Variants in CATSPER2 observed in about 807,000 individuals in gnomAD.
CATSPER2 encodes cation channel sperm-associated protein 2.
Under a neutral mutation model 68.8 loss-of-function variants are expected in CATSPER2, and 56 were observed. The ratio of observed to expected loss-of-function variants is 0.81; its 90% CI spans 0.66 to 1.02. The LOEUF (loss-of-function observed/expected upper bound fraction) is 1.02, where lower values mean the gene tolerates loss of function less well. Among genes scored for constraint, CATSPER2 ranks in the 50% least tolerant of loss-of-function variants. The pLI, the probability that CATSPER2 is intolerant of heterozygous loss-of-function variation, is 0.00. For missense variants in CATSPER2, 582 were observed against 642.0 expected, an observed-to-expected ratio of 0.91 and a Z score of 1.01; for synonymous variants, 198 against 229.9, an observed-to-expected ratio of 0.86 and a Z score of 1.26.
At position 43,638,286 on chromosome 15, in the gene CATSPER2, C is replaced by CTTTCTTTTTTTTTTTTTTT. The variant is rs1354288133; in HGVS notation, c.842+617_842+618insAAAAAAAAAAAAAAAGAAA. 3.9e-4 allele frequency among the ~76,000 whole-genome samples: 32 copies of CTTTCTTTTTTTTTTTTTTT among 81,836 alleles called. 1 individual carries two copies. Among genetic ancestry groups the CTTTCTTTTTTTTTTTTTTT allele is most frequent in the African/African-American group, 2.4e-3 (32 of 13,274 alleles). 53.7% of individuals were successfully genotyped at this position (81,836 alleles called of 152,430 possible). Reference sequence around the variant, plus strand: ...ATTTTTCTTTTCTTTTTCTTTCTTTCTTTTTTTTTTTTTTTTTTTTTGAGA... The same window carrying CTTTCTTTTTTTTTTTTTTT: ...ATTTTTCTTTTCTTTTTCTTTCTTTCTTTCTTTTTTTTTTTTTTTTTTTTTTTTTTTTTTTTTTTTGAGA... On this transcript the variant is annotated intron_variant, in intron 7 of 12. Transcript: ENST00000396879.
intron 7 of CATSPER2, 138 bp from the exon 8 acceptor site, chr15:43,636,357 T>C: frequency 1.7e-6 from 2 of 1,186,750 alleles, no homozygotes; most frequent in South Asian, 2.7e-5. Flanking sequence ...CCATACTCAG[T>C]TTTTAGCTAA....
At position 43,640,338 on chromosome 15, in the gene CATSPER2, C is replaced by T. The variant is rs751166444; in HGVS notation, c.547G>A (p.Val183Ile). 4 of 1,611,600 alleles carry T rather than the reference C, an allele frequency of 2.5e-6. No individual in the cohort carries two copies. The highest frequency in any genetic ancestry group is 3.3e-5 in the Admixed American group (2 of 59,916). Reference sequence around the variant, plus strand: ...TCTATCCTTACCAACATGGTAACAACAAAGTCAAAGACATTCCAGGCACTC... The same window carrying T: ...TCTATCCTTACCAACATGGTAACAATAAAGTCAAAGACATTCCAGGCACTC... ...WKSAWNVFDF[V>I]VTMLSLLPEV... Residue 183 changes from valine to isoleucine, a missense_variant, in exon 5 of 13, where the codon GTT becomes ATT. Physicochemically the swap from Val to Ile is conservative, Grantham distance 29. Transcript: ENST00000396879.
rs748851111 is a variant in CATSPER2, at chr15:43,638,986, T to C, written c.760A>G (p.Ile254Val). 9.9e-6 allele frequency: 16 copies of C among 1,612,868 alleles called. No individual in the cohort carries two copies. Among genetic ancestry groups the C allele is most frequent in the Admixed American group, 5.0e-5 (3 of 59,930 alleles). The change falls in exon 7 of 13, where the codon ATT (isoleucine) becomes GTT (valine). Residue 254 changes from isoleucine to valine, a missense_variant. Around this residue, in one of 5 missense-constraint regions of CATSPER2, gnomAD observed 91 missense variants for 72.8 expected, o/e 1.25. Transcript: ENST00000396879. ...ACGTAGACACCAGTCACAGCAAAAA[T>C]GTAGAAGAAGATGAGCAGCAACATC... ...LLMLLLIFFY[I>V]FAVTGVYVFS...
At chr15:43,648,882 C>A, upstream of CATSPER2, 1 of 1,495,428 alleles carries the variant, frequency 6.7e-7, no homozygotes, top group Non-Finnish European at 8.9e-7. Flanking sequence ...CCCGCCCCGC[C>A]CCGCTCTCCG....
At position 43,636,154 on chromosome 15, in the gene CATSPER2, A is replaced by G. The variant is rs762206064; in HGVS notation, c.908T>C (p.Leu303Pro). Residue 303 changes from leucine (L) to proline (P), a missense_variant, in exon 8 of 13, where the codon CTT becomes CCT. Physicochemically the swap from Leu to Pro is moderately conservative, Grantham distance 98 (BLOSUM62 -3). Coordinates refer to ENST00000396879, the MANE Select transcript of CATSPER2 (RefSeq NM_172095.4). ...TTCAGGCACCTTCCAGACGTCCTGA[A>G]GCAGTGCATACCAATGATCCAAGGT... is the stretch of plus-strand genomic sequence containing the variant. ...LFTLDHWYAL[L>P]QDVWKVPEVS... The G allele has an allele frequency of 3.1e-6, 5 of 1,609,276 alleles. 1 individual carries two copies. The highest frequency in any genetic ancestry group is 4.2e-6 in the Non-Finnish European group (5 of 1,176,632).
chr15:43,631,508 T>C (rs577334113), intron 12 of CATSPER2: 26 of 379,506 alleles, frequency 6.9e-5, no homozygotes, highest in Non-Finnish European at 1.1e-4. Context: ...GGATTACAGG[T>C]GTGAGCCACC....
At chr15:43,645,931 T>C (rs2086155434) in intron 4 of CATSPER2, among the ~76,000 whole-genome samples, 1 of 152,044 alleles carries the variant, frequency 6.6e-6, no homozygotes, top group African/African-American at 2.4e-5. Context: ...TTTGAATGTA[T>C]TTCATATAAT....
At position 43,635,425 on chromosome 15, in the gene CATSPER2, CAAA is replaced by C. The variant is rs375933133; in HGVS notation, c.1122-12_1122-10del. 136 of 1,370,418 alleles carry C rather than the reference CAAA, an allele frequency of 9.9e-5. No homozygotes were observed. The highest frequency in any genetic ancestry group is 2.8e-4 in the South Asian group (23 of 83,576). 84.9% of individuals were successfully genotyped at this position (1,370,418 alleles called of 1,614,324 possible). ...GTGACATGTTTTTTCTCCTGCAGAG[CAAA>C]AAAAAAAAAGAGCAAAGACAGTTAT... On this transcript the variant is annotated splice_polypyrimidine_tract_variant and intron_variant, in intron 9 of 12. Transcript: ENST00000396879.
intron 10 of CATSPER2, chr15:43,633,699 T>A (rs559620479): frequency 6.6e-6 from 1 of 151,860 alleles, no homozygotes; most frequent in East Asian, 1.9e-4. Flanking sequence ...ATCCTAACAC[T>A]TTTGGAGGCT....
chr15:43,648,874 C>T (rs1249623286), upstream of CATSPER2: 3 of 1,489,140 alleles, frequency 2.0e-6, no homozygotes, highest in East Asian at 2.6e-5. Context: ...GCCTAGGCCC[C>T]GCCCCGCCCC....
chr15:43,637,997 C>T (rs2085994706), intron 7 of CATSPER2, among the ~76,000 whole-genome samples: 1 of 150,740 alleles, frequency 6.6e-6, no homozygotes, highest in African/African-American at 2.4e-5. Flanking sequence ...CTTTGTTGCC[C>T]AGGCTGGAGT....
chr15:43,635,806 T>C lies in CATSPER2; in HGVS notation c.1042A>G (p.Arg348Gly). The C allele has an allele frequency of 1.9e-6, 3 of 1,613,382 alleles. No homozygotes were observed. Among genetic ancestry groups the C allele is most frequent in the Non-Finnish European group, 2.5e-6 (3 of 1,179,718 alleles). ...AMMVTNFQNI[R>G]KELNEEMARR... ...GCCATCTCCTCATTCAGCTCTTTCCTGATATTCTGAAAGTTAGTAACTGCC... is the reference window on the plus strand; with the variant it reads ...GCCATCTCCTCATTCAGCTCTTTCCCGATATTCTGAAAGTTAGTAACTGCC... Residue 348 changes from arginine (R) to glycine (G), a missense_variant, in exon 9 of 13, where the codon AGG (arginine) becomes GGG (glycine). Physicochemically the swap from Arg to Gly is moderately radical, Grantham distance 125. Transcript: ENST00000396879.
intron 11 of CATSPER2, 108 bp from the exon 12 acceptor site, chr15:43,632,471 G>A: frequency 6.8e-7 from 1 of 1,480,948 alleles, no homozygotes; most frequent in Non-Finnish European, 9.3e-7. Context: ...AGAGGTAACA[G>A]GAAGCAAGGA....
intron 4 of CATSPER2, 75 bp downstream of exon 4, chr15:43,646,975 C>T: frequency 7.5e-7 from 1 of 1,330,288 alleles, no homozygotes; most frequent in South Asian, 1.2e-5. Flanking sequence ...CCCCGGCCTC[C>T]CAAAGTGCTA....
chr15:43,628,902 C>T lies in CATSPER2; in HGVS notation c.*1799G>A, dbSNP rs1436033790. 6.8e-6 allele frequency: 1 copy of T among 146,002 alleles called. No individual in the cohort carries two copies. Among genetic ancestry groups the T allele is most frequent in the Admixed American group, 6.8e-5 (1 of 14,600 alleles). 9.0% of individuals were successfully genotyped at this position (146,002 alleles called of 1,614,324 possible). ...ACATCTGTATATACCGGTGTAACCA[C>T]CATGCAGATCAAGATATGGAACATA... is the stretch of plus-strand genomic sequence containing the variant. On this transcript the variant is annotated 3_prime_UTR_variant, in exon 13 of 13. Transcript: ENST00000396879.
chr15:43,638,258 C>T (rs902685279), intron 7 of CATSPER2, among the ~76,000 whole-genome samples: 1 of 140,690 alleles, frequency 7.1e-6, no homozygotes, highest in Non-Finnish European at 1.5e-5. Context: ...CCAGCCTATT[C>T]CCATTTTTCT....
chr15:43,636,511 C>T (rs2085967501), intron 7 of CATSPER2, among the ~76,000 whole-genome samples: 1 of 151,810 alleles, frequency 6.6e-6, no homozygotes, highest in Non-Finnish European at 1.5e-5. Flanking sequence ...CTGCCTCAGC[C>T]TCCCGAGTAG....
rs547599189 is a variant in CATSPER2, at chr15:43,637,438, G to A, written c.843-1219C>T. ...TTTAGTCCCCCATATACAATTTATCGAAAACATGAGAGCTTTTATAGGATA... is the reference window on the plus strand; with the variant it reads ...TTTAGTCCCCCATATACAATTTATCAAAAACATGAGAGCTTTTATAGGATA... On this transcript the variant is annotated intron_variant, in intron 7 of 12. Transcript: ENST00000396879. Among the ~76,000 whole-genome samples, 11 of 151,610 alleles carry A rather than the reference G, an allele frequency of 7.3e-5. 1 individual carries two copies. The East Asian group carries it at 9.7e-4, about 13-fold the overall frequency.
intron 12 of CATSPER2, 103 bp from the exon 13 acceptor site, chr15:43,630,835 G>A (rs2085858477): frequency 6.2e-7 from 1 of 1,604,506 alleles, no homozygotes; most frequent in Non-Finnish European, 8.5e-7. Context: ...TCCCTCACAA[G>A]TCTTTACTAA....
Sources: gnomAD v4.1 joint callset for allele counts (sites outside exome capture counted in the v4.1 genomes callset) on GRCh38, gnomAD v4.1.1 for gene constraint, gnomAD v4.1.1 regional missense constraint, MANE v1.5 for transcripts, NCBI Gene and HGNC (gene_info 2026-07-23, HGNC 2026-07-21) for gene names.